The following PTPRQ variants were observed in gnomAD, a reference collection of about 807,000 sequenced individuals.
PTPRQ encodes protein tyrosine phosphatase receptor type Q, also known as phosphatidylinositol phosphatase PTPRQ.
Under a neutral mutation model 246.0 loss-of-function variants are expected in PTPRQ, and 199 were observed. The ratio of observed to expected loss-of-function variants is 0.81; its 90% CI spans 0.72 to 0.91. PTPRQ has a LOEUF of 0.91. Ranked by LOEUF, PTPRQ falls within the 40% of genes least tolerant of loss-of-function variation. PTPRQ has a pLI of 0.00. For synonymous variants in PTPRQ, 869 were observed against 853.2 expected (o/e 1.02, Z -0.32); for missense variants, 2,624 against 2,528.4 (o/e 1.04, Z -0.81).
rs150982230 is a variant in PTPRQ at position 80,550,289 on chromosome 12, C to T, written c.4285+555C>T. Among the ~76,000 whole-genome samples the T allele has an allele frequency of 8.9e-4, 135 of 152,232 alleles. 3 individuals carry two copies. Among genetic ancestry groups the T allele is most frequent in the African/African-American group, 3.1e-3 (130 of 41,574 alleles). The stretch of plus-strand genomic sequence containing the variant: ...ATCATAATATCCTTCATCCTATTTT[C>T]TTCCATATTCTACCTGCTTATATAA... On this transcript the variant is annotated intron_variant, in intron 25 of 44. Coordinates refer to ENST00000644991, the MANE Select transcript of PTPRQ (RefSeq NM_001145026.2).
In PTPRQ at chr12:80,518,809, G is replaced by A. The variant is rs189306543; in HGVS notation, c.2678+8366G>A. 4.2e-3 allele frequency among the ~76,000 whole-genome samples: 645 copies of A among 152,106 alleles called. 9 individuals carry two copies. Among genetic ancestry groups the A allele is most frequent in the Non-Finnish European group, 4.1e-3 (280 of 67,984 alleles). ...TGTAGGTATGTGAACTTGTTTCTGC[G>A]TTCTCTATTCTGTTCCATTGGTCTA... On this transcript the variant is annotated intron_variant, in intron 17 of 44. Coordinates refer to ENST00000644991, the MANE Select transcript of PTPRQ (RefSeq NM_001145026.2).
chr12:80,668,424 T>C (rs1900856067), intron 39 of PTPRQ, among the ~76,000 whole-genome samples: 1 of 151,894 alleles, frequency 6.6e-6, no homozygotes, highest in Non-Finnish European at 1.5e-5. Flanking sequence ...TAAATGCCAC[T>C]AGACTAATGA....
chr12:80,635,449 A>G (rs1040351859), intron 35 of PTPRQ, among the ~76,000 whole-genome samples: 2 of 152,164 alleles, frequency 1.3e-5, no homozygotes, highest in Non-Finnish European at 2.9e-5. Context: ...AATTAAATTT[A>G]TAACTACTTG....
rs959381625 is a variant in PTPRQ at position 80,496,048 on chromosome 12, C to T, written c.1932C>T (p.His644=). 3.9e-6 allele frequency: 6 copies of T among 1,550,200 alleles called. No individual in the cohort carries two copies. The highest frequency in any genetic ancestry group is 5.2e-6 in the Non-Finnish European group (6 of 1,146,278). The change falls in exon 13 of 45, where the codon CAC becomes CAT. Residue 644 remains histidine (H), a synonymous_variant. Coordinates refer to ENST00000644991, the MANE Select transcript of PTPRQ (RefSeq NM_001145026.2). ...AAATGAGAGTGGCAGCCTCAACCCA[C>T]GTTGGAGAAAGTTCTTTGTCTGAAG... ...KYKMRVAAST[H]VGESSLSEEN... is the part of the protein sequence containing the mutation.
chr12:80,477,221 GAAA>G (rs141249342), intron 8 of PTPRQ, among the ~76,000 whole-genome samples: 1 of 151,974 alleles, frequency 6.6e-6, no homozygotes. Flanking sequence ...TAAAATATCA[GAAA>G]AAAATCAATC....
chr12:80,463,430 TGGAAAACA>T (rs1893275256), intron 6 of PTPRQ, among the ~76,000 whole-genome samples: 2 of 152,196 alleles, frequency 1.3e-5, no homozygotes, highest in South Asian at 2.1e-4. Context: ...GGAATCAAGT[TGGAAAACA>T]CTCTGCAGGA....
In PTPRQ at chr12:80,678,638, C is replaced by T. The variant is rs1901220636; in HGVS notation, c.6775C>T (p.Leu2259Phe). The change falls in exon 44 of 45, where the codon CTC (leucine) becomes TTC (phenylalanine). Residue 2259 changes from leucine (L) to phenylalanine (F), a missense_variant. Leu to Phe is a conservative substitution (Grantham distance 22). Coordinates refer to ENST00000644991, the MANE Select transcript of PTPRQ (RefSeq NM_001145026.2). ...YIFLHQCILD[L>F]LSNKGSNQPI... Reference sequence around the variant, plus strand: ...CTTTTTACACCAGTGCATTCTGGATCTCTTATCAAATAAGGGAAGTAATCA... The same window carrying T: ...CTTTTTACACCAGTGCATTCTGGATTTCTTATCAAATAAGGGAAGTAATCA... The T allele has an allele frequency of 3.2e-6, 5 of 1,550,474 alleles. No homozygotes were observed. The East Asian group carries it at 1.2e-4, about 38-fold the overall frequency.
At chr12:80,522,037 T>C (rs995264385) in intron 17 of PTPRQ, among the ~76,000 whole-genome samples, 3 of 152,200 alleles carry the variant, frequency 2.0e-5, no homozygotes, top group Non-Finnish European at 4.4e-5. Context: ...TTTTAATTCA[T>C]TGAGCAGTGG....
At chr12:80,607,590 T>C (rs1333089608) in intron 27 of PTPRQ, among the ~76,000 whole-genome samples, 1 of 150,606 alleles carries the variant, frequency 6.6e-6, no homozygotes, top group Non-Finnish European at 1.5e-5. Context: ...GATAAAGCAC[T>C]TCTGCAGCTC....
rs539246846 is a variant in PTPRQ at position 80,660,684 on chromosome 12, CTATCATGCAAA to C, written c.6192+2625_6192+2635del. Among the ~76,000 whole-genome samples the C allele has an allele frequency of 2.4e-4, 37 of 152,086 alleles. 1 individual carries two copies. In the South Asian group the frequency reaches 7.7e-3, roughly 32 times the overall value. Reference sequence around the variant, plus strand: ...TTTTAACACAACTAGAGATTAAAGGCTATCATGCAAATGGTTGCAGTAACATTAGAAACATC... The same window carrying C: ...TTTTAACACAACTAGAGATTAAAGGCTGGTTGCAGTAACATTAGAAACATC... On this transcript the variant is annotated intron_variant, in intron 39 of 44. Transcript: ENST00000644991.
rs1197563846 is a variant in PTPRQ at position 80,622,102 on chromosome 12, ACT to A, written c.5657_5658del (p.Ser1886Ter). On this transcript the variant is annotated frameshift_variant, in exon 33 of 45. Coordinates refer to ENST00000644991, the MANE Select transcript of PTPRQ (RefSeq NM_001145026.2). LOFTEE classifies it high-confidence loss of function. ...ACAAATATTATGGGACAATTTACTG[ACT>A]CTGATTATTCTGACCCTGTTAAGAC... 17 of 1,449,288 alleles carry A rather than the reference ACT, an allele frequency of 1.2e-5. No homozygotes were observed. The highest frequency in any genetic ancestry group is 7.4e-5 in the African/African-American group (5 of 67,598). The allele number at this position is 1,449,288 out of a possible 1,614,324, so 89.8% of individuals were successfully genotyped here.
chr12:80,477,536 G>T (rs546569882), intron 8 of PTPRQ, among the ~76,000 whole-genome samples: 2 of 152,144 alleles, frequency 1.3e-5, no homozygotes, highest in Non-Finnish European at 2.9e-5. Flanking sequence ...AGGCAAGATG[G>T]CCGAATAGGA....
chr12:80,472,132 A>C lies in PTPRQ; in HGVS notation c.1067A>C (p.Asp356Ala). Residue 356 changes from aspartate (D) to alanine (A), a missense_variant, in exon 8 of 45, where the codon GAC (aspartate) becomes GCC (alanine). Asp to Ala is a moderately radical substitution (Grantham distance 126). Coordinates refer to ENST00000644991, the MANE Select transcript of PTPRQ (RefSeq NM_001145026.2). Reference sequence around the variant, plus strand: ...CGCATTTTGGATAACAGCACAAAAGACCTCAAGTTTGCATTCACTAACCTA... The same window carrying C: ...CGCATTTTGGATAACAGCACAAAAGCCCTCAAGTTTGCATTCACTAACCTA... ...SGRILDNSTK[D>A]LKFAFTNLTP... 6.4e-7 allele frequency: 1 copy of C among 1,551,408 alleles called. No individual in the cohort carries two copies. Among genetic ancestry groups the C allele is most frequent in the Non-Finnish European group, 8.7e-7 (1 of 1,146,928 alleles).
At chr12:80,629,368 C>T (rs1041617331) in intron 33 of PTPRQ, among the ~76,000 whole-genome samples, 5 of 151,984 alleles carry the variant, frequency 3.3e-5, no homozygotes, top group African/African-American at 1.2e-4. Flanking sequence ...GTATTCAGCC[C>T]ATAATATATG....
chr12:80,634,906 G>T (rs925829062), intron 34 of PTPRQ, 39 bp from the exon 35 acceptor site: 59 of 1,544,668 alleles, frequency 3.8e-5, no homozygotes, highest in Non-Finnish European at 5.0e-5. Flanking sequence ...TATACTTTGT[G>T]TGAAACTCCC....
intron 12 of PTPRQ, 97 bp downstream of exon 12, chr12:80,495,468 A>T: frequency 7.3e-7 from 1 of 1,373,990 alleles, no homozygotes; most frequent in Non-Finnish European, 9.5e-7. Flanking sequence ...TATACTACAG[A>T]ACACATGCTA....
rs188596961 is a variant in PTPRQ at position 80,589,119 on chromosome 12, G to C, written c.4609+667G>C. The stretch of plus-strand genomic sequence containing the variant: ...GGTAAAGATTGCTCTTGCAACTTAG[G>C]TTTTATGTTTATAGCTAACTGGTTG... On this transcript the variant is annotated intron_variant, in intron 26 of 44. Coordinates refer to ENST00000644991, the MANE Select transcript of PTPRQ (RefSeq NM_001145026.2). Among the ~76,000 whole-genome samples, 165 of 152,232 alleles carry C rather than the reference G, an allele frequency of 1.1e-3. 1 individual carries two copies. The highest frequency in any genetic ancestry group is 1.6e-3 in the Non-Finnish European group (110 of 68,008).
rs566339294 is a variant in PTPRQ at position 80,594,947 on chromosome 12, T to C, written c.4609+6495T>C. Among the ~76,000 whole-genome samples, 83 of 152,290 alleles carry C rather than the reference T, an allele frequency of 5.5e-4. 1 individual carries two copies. The highest frequency in any genetic ancestry group is 1.7e-3 in the African/African-American group (72 of 41,572). ...TTCCTCTGCTGAAAATCTTTGATCA[T>C]TTTCTACATGCCTGCATGTTAAAAC... is the stretch of plus-strand genomic sequence containing the variant. On this transcript the variant is annotated intron_variant, in intron 26 of 44. Coordinates refer to ENST00000644991, the MANE Select transcript of PTPRQ (RefSeq NM_001145026.2).
chr12:80,520,928 A>G (rs1895462148), intron 17 of PTPRQ, among the ~76,000 whole-genome samples: 1 of 152,074 alleles, frequency 6.6e-6, no homozygotes, highest in East Asian at 1.9e-4. Flanking sequence ...TCCCTGAGGA[A>G]TCGCCACACT....
Sources: allele counts gnomAD v4.1 joint callset (sites outside exome capture counted in the v4.1 genomes callset), GRCh38; gene constraint gnomAD v4.1.1; transcripts MANE v1.5; gene names NCBI Gene and HGNC (gene_info 2026-07-23, HGNC 2026-07-21).